Variants in HTRA1 observed in about 807,000 individuals in gnomAD.
HTRA1 encodes serine protease HTRA1.
A neutral mutation model predicts 49.7 loss-of-function variants in HTRA1; 26 were observed. That is an observed-to-expected ratio of 0.52 (90% CI 0.38 to 0.73). HTRA1 has a LOEUF of 0.73. HTRA1 is among the 30% of genes least tolerant of loss of function. The pLI is 0.00. For synonymous variants in HTRA1, 291 were observed against 286.9 expected (o/e 1.01, Z -0.14); for missense variants, 561 against 667.2 (o/e 0.84, Z 1.75).
intron 1 of HTRA1, among the ~76,000 whole-genome samples, chr10:122,485,304 C>G (rs1231073263): frequency 1.3e-5 from 2 of 152,232 alleles, no homozygotes; most frequent in Non-Finnish European, 2.9e-5. Context: ...GCTTTTTCAT[C>G]TGAGATGCAC....
At chr10:122,489,348 A>G (rs997600494) in intron 2 of HTRA1, 74 bp from the exon 3 acceptor site, 20 of 1,343,160 alleles carry the variant, frequency 1.5e-5, no homozygotes, top group Admixed American at 1.2e-4. Flanking sequence ...CTGTTGCACA[A>G]CCCATTAATC....
chr10:122,489,669 C>T (rs145573878), intron 3 of HTRA1, 43 bp downstream of exon 3: 25,913 of 1,567,904 alleles, frequency 0.017, 225 homozygotes, highest in Non-Finnish European at 0.019. Context: ...TCAGATGCCC[C>T]GGAACACCCT....
Position 122,489,111 on chromosome 10 carries a change from CT to C in HTRA1, c.572+112del, listed in dbSNP as rs1399099164. The C allele has an allele frequency of 7.4e-6, 6 of 810,610 alleles. No individual in the cohort carries two copies. In the African/African-American group the frequency reaches 1.0e-4, roughly 14 times the overall value. The allele number at this position is 810,610 out of a possible 1,614,324, so 50.2% of individuals were successfully genotyped here. ...AAAGTGTCAAAGTGTCACTGAATAT[CT>C]TCCTACTTAAGATAAGTGTGTCTCC... On this transcript the variant is annotated intron_variant, in intron 2 of 8. Transcript: ENST00000368984.
In HTRA1 at chr10:122,461,667, C is replaced by G. The variant is rs900233098; in HGVS notation, c.15C>G (p.Arg5=). 6.1e-6 allele frequency: 8 copies of G among 1,314,310 alleles called. No individual in the cohort carries two copies. The Admixed American group carries it at 1.9e-4, about 31-fold the overall frequency. The allele number at this position is 1,314,310 out of a possible 1,614,324, so 81.4% of individuals were successfully genotyped here. ...CCAGAGTCGCCATGCAGATCCCGCGCGCCGCTCTTCTCCCGCTGCTGCTGC... is the reference window on the plus strand; with the variant it reads ...CCAGAGTCGCCATGCAGATCCCGCGGGCCGCTCTTCTCCCGCTGCTGCTGC... MQIP[R]AALLPLLLLL... Residue 5 remains arginine, a synonymous_variant, in exon 1 of 9, where the codon CGC becomes CGG. Coordinates refer to ENST00000368984, the MANE Select transcript of HTRA1 (RefSeq NM_002775.5).
At chr10:122,476,782 C>T (rs1406157643) in intron 1 of HTRA1, among the ~76,000 whole-genome samples, 11 of 152,072 alleles carry the variant, frequency 7.2e-5, no homozygotes, top group Admixed American at 5.2e-4. Context: ...TGCATCCAGC[C>T]CTGACTGCAT....
rs1554948302 is a variant in HTRA1, at chr10:122,461,919, C to A, written c.267C>A (p.Cys89Ter). 2.7e-6 allele frequency: 4 copies of A among 1,470,956 alleles called. No individual in the cohort carries two copies. The highest frequency in any genetic ancestry group is 3.6e-6 in the Non-Finnish European group (4 of 1,117,478). The allele number at this position is 1,470,956 out of a possible 1,614,324, so 91.1% of individuals were successfully genotyped here. Residue 89 changes from cysteine to a stop codon, truncating the protein, a stop_gained, in exon 1 of 9, where the codon TGC (cysteine) becomes TGA (stop). Coordinates refer to ENST00000368984, the MANE Select transcript of HTRA1 (RefSeq NM_002775.5). LOFTEE classifies it high-confidence loss of function. ...GCCCGTGCGGCGAGGGGCTGCAGTGCGTGGTGCCCTTCGGGGTGCCAGCCT... is the reference window on the plus strand; with the variant it reads ...GCCCGTGCGGCGAGGGGCTGCAGTGAGTGGTGCCCTTCGGGGTGCCAGCCT... Reference protein sequence around the residue: ...QEGPCGEGLQCVVPFGVPASA... With the variant: ...QEGPCGEGLQ
At chr10:122,470,015 T>G (rs537555907) in intron 1 of HTRA1, among the ~76,000 whole-genome samples, 2 of 152,298 alleles carry the variant, frequency 1.3e-5, no homozygotes, top group East Asian at 1.9e-4. Flanking sequence ...TTGGTGAGTG[T>G]TCCCTGTGTG....
At position 122,490,894 on chromosome 10, in the gene HTRA1, A is replaced by G. The variant is rs1009114004; in HGVS notation, c.777+1268A>G. On this transcript the variant is annotated intron_variant, in intron 3 of 8. Transcript: ENST00000368984. The surrounding 1 kb of genome is among the most constrained non-coding windows in gnomAD (Gnocchi z 4.2). ...CCAGTCTTCAGAAAACCACCAGCTA[A>G]CACATTTACTACCCTCCTTCCCCGA... is the stretch of plus-strand genomic sequence containing the variant. Among the ~76,000 whole-genome samples the G allele has an allele frequency of 1.3e-5, 2 of 151,960 alleles. No individual in the cohort carries two copies. The highest frequency in any genetic ancestry group is 4.8e-5 in the African/African-American group (2 of 41,356).
Position 122,487,527 on chromosome 10 carries a change from C to T in HTRA1, c.473-1375C>T, listed in dbSNP as rs936688677. Among the ~76,000 whole-genome samples the T allele has an allele frequency of 2.6e-5, 4 of 152,172 alleles. No individual in the cohort carries two copies. Among genetic ancestry groups the T allele is most frequent in the African/African-American group, 7.2e-5 (3 of 41,432 alleles). On this transcript the variant is annotated intron_variant, in intron 1 of 8. Coordinates refer to ENST00000368984, the MANE Select transcript of HTRA1 (RefSeq NM_002775.5). The surrounding 1 kb of genome is among the most constrained non-coding windows in gnomAD (Gnocchi z 4.8). The stretch of plus-strand genomic sequence containing the variant: ...GCCCTGCTGGGTGAGAGCCTCACAT[C>T]GGGACATGTGACAGCTTTGTTGAAA...
chr10:122,475,954 C>A (rs2097488279), intron 1 of HTRA1, among the ~76,000 whole-genome samples: 1 of 152,210 alleles, frequency 6.6e-6, no homozygotes, highest in Non-Finnish European at 1.5e-5. Flanking sequence ...CAGCATGCAG[C>A]CACTCAAACT....
intron 3 of HTRA1, among the ~76,000 whole-genome samples, chr10:122,502,754 AG>A (rs1373191293): frequency 6.6e-6 from 1 of 152,152 alleles, no homozygotes; most frequent in African/African-American, 2.4e-5. Context: ...TCGTCCCCAA[AG>A]GTTTTGCACC....
intron 1 of HTRA1, among the ~76,000 whole-genome samples, chr10:122,475,887 C>T (rs1331725241): frequency 6.6e-6 from 1 of 152,214 alleles, no homozygotes; most frequent in East Asian, 1.9e-4. Context: ...CTGGGCCGGG[C>T]TCTGGGCTGG....
At chr10:122,471,964 A>G (rs893174127) in intron 1 of HTRA1, among the ~76,000 whole-genome samples, 1 of 152,226 alleles carries the variant, frequency 6.6e-6, no homozygotes, top group Non-Finnish European at 1.5e-5. Context: ...AGATGACTAA[A>G]AGACTATTCA....
intron 1 of HTRA1, among the ~76,000 whole-genome samples, chr10:122,472,372 T>TTATTAC (rs1178271064): frequency 6.6e-4 from 14 of 21,170 alleles, no homozygotes; most frequent in Non-Finnish European, 2.2e-4. Flanking sequence ...TTTATTACTA[T>TTATTAC]TATTATTATT....
chr10:122,475,393 G>A (rs2097487991), intron 1 of HTRA1, among the ~76,000 whole-genome samples: 1 of 152,178 alleles, frequency 6.6e-6, no homozygotes, highest in South Asian at 2.1e-4. Context: ...CGGCTCCCCC[G>A]CCTCTTCCTC....
intron 1 of HTRA1, among the ~76,000 whole-genome samples, chr10:122,478,811 G>A (rs947133817): frequency 6.6e-6 from 1 of 152,198 alleles, no homozygotes; most frequent in Non-Finnish European, 1.5e-5. Flanking sequence ...AGGCACAGCT[G>A]GCCCCATGGG....
At chr10:122,466,113 GA>G (rs1184525680) in intron 1 of HTRA1, among the ~76,000 whole-genome samples, 2 of 152,148 alleles carry the variant, frequency 1.3e-5, no homozygotes, top group African/African-American at 4.8e-5. Context: ...ACCTGGTGAA[GA>G]ACCAAGGGCT....
rs1192710505 is a variant in HTRA1 at position 122,464,599 on chromosome 10, C to T, written c.472+2475C>T. Among the ~76,000 whole-genome samples, 2 of 152,220 alleles carry T rather than the reference C, an allele frequency of 1.3e-5. No individual in the cohort carries two copies. Among genetic ancestry groups the T allele is most frequent in the Admixed American group, 6.5e-5 (1 of 15,294 alleles). On this transcript the variant is annotated intron_variant, in intron 1 of 8. Coordinates refer to ENST00000368984, the MANE Select transcript of HTRA1 (RefSeq NM_002775.5). This position sits in a 1 kb window ranked among gnomAD's most constrained non-coding sequence, Gnocchi z 4.8. ...GAGGTGCTTGCGATACACAGCCATT[C>T]TGTTTTTCCTTAGTGGAAGGCACTG...
chr10:122,511,124 G>C (rs1038460554), intron 7 of HTRA1, among the ~76,000 whole-genome samples: 1 of 152,176 alleles, frequency 6.6e-6, no homozygotes, highest in African/African-American at 2.4e-5. Context: ...GACAGCGCAG[G>C]TGCTTCTGAT....
Sources: allele counts gnomAD v4.1 joint callset (sites outside exome capture counted in the v4.1 genomes callset), GRCh38; gene constraint gnomAD v4.1.1; non-coding constraint Gnocchi (gnomAD v3.1); transcripts MANE v1.5; gene names NCBI Gene and HGNC (gene_info 2026-07-23, HGNC 2026-07-21).